Variants in DYM observed in about 807,000 individuals in gnomAD.
The protein encoded by DYM is dyggve-Melchior-Clausen syndrome protein.
Under a neutral mutation model 93.1 loss-of-function variants are expected in DYM, and 78 were observed. The ratio of observed to expected loss-of-function variants is 0.84; its 90% confidence interval spans 0.70 to 1.01. DYM has a LOEUF of 1.01. Ranked by LOEUF, DYM falls within the 50% of genes least tolerant of loss-of-function variation. DYM has a pLI of 0.00. For synonymous variants in DYM, 321 were observed against 319.7 expected (o/e 1.00, Z -0.04); for missense variants, 789 against 845.0 (o/e 0.93, Z 0.82).
chr18:49,375,976 GT>G (rs1462348730), intron 5 of DYM, among the ~76,000 whole-genome samples: 1 of 152,110 alleles, frequency 6.6e-6, no homozygotes, highest in Non-Finnish European at 1.5e-5. Context: ...TACACCAGTG[GT>G]TTGCCAGGGA....
chr18:49,367,165 T>C (rs2066601050), intron 5 of DYM, among the ~76,000 whole-genome samples: 1 of 152,150 alleles, frequency 6.6e-6, no homozygotes, highest in Non-Finnish European at 1.5e-5. Context: ...CATCAACACA[T>C]ACTAGAAGTT....
rs575362343 is a variant in DYM at position 49,203,606 on chromosome 18, T to A, written c.1625+5945A>T. ...GCTGTGTCCACTCAGGGTTAAATGGTTTAAGGGCGGTGCAAGATGTGCTTT... is the reference window on the plus strand; with the variant it reads ...GCTGTGTCCACTCAGGGTTAAATGGATTAAGGGCGGTGCAAGATGTGCTTT... On this transcript the variant is annotated intron_variant, in intron 14 of 17. Coordinates refer to ENST00000675505, the MANE Select transcript of DYM (RefSeq NM_001353214.3). Among the ~76,000 whole-genome samples, 365 of 140,182 alleles carry A rather than the reference T, an allele frequency of 2.6e-3. 1 individual carries two copies. The highest frequency in any genetic ancestry group is 4.4e-3 in the Non-Finnish European group (285 of 64,358). 92.0% of individuals were successfully genotyped at this position (140,182 alleles called of 152,430 possible).
At chr18:49,361,047 T>C (rs114407617) in intron 6 of DYM, among the ~76,000 whole-genome samples, 104 of 152,356 alleles carry the variant, frequency 6.8e-4, no homozygotes, top group African/African-American at 2.4e-3. Context: ...ACCCAAACTA[T>C]GTCACATGGT....
chr18:49,325,919 C>G (rs1274556227), intron 8 of DYM, among the ~76,000 whole-genome samples: 4 of 152,122 alleles, frequency 2.6e-5, no homozygotes, highest in Non-Finnish European at 5.9e-5. Context: ...TAAGCTGCCT[C>G]GAAACAACAC....
At chr18:49,101,231 A>G (rs1181195167) in intron 16 of DYM, among the ~76,000 whole-genome samples, 1 of 152,222 alleles carries the variant, frequency 6.6e-6, no homozygotes, top group Non-Finnish European at 1.5e-5. Flanking sequence ...TAAAACCTTT[A>G]GTGAAAGTGG....
At chr18:49,407,683 A>C (rs2071667923) in intron 2 of DYM, among the ~76,000 whole-genome samples, 1 of 152,142 alleles carries the variant, frequency 6.6e-6, no homozygotes. Context: ...AACACTTCTC[A>C]CCAGGCCCTA....
intron 17 of DYM, among the ~76,000 whole-genome samples, chr18:49,088,915 C>G (rs2078801404): frequency 6.6e-6 from 1 of 152,116 alleles, no homozygotes; most frequent in Admixed American, 6.5e-5. Context: ...CCTTAGCCCC[C>G]TGAATAGTTG....
intron 8 of DYM, among the ~76,000 whole-genome samples, chr18:49,288,709 G>A (rs1175643271): frequency 6.6e-6 from 1 of 151,964 alleles, no homozygotes; most frequent in African/African-American, 2.4e-5. Context: ...GAACCCGAGA[G>A]GCAGAGGTTG....
In DYM at chr18:49,037,190, G is replaced by GAGTCC. The variant is rs796417265; in HGVS notation, c.*6860_*6864dup. On this transcript the variant is annotated 3_prime_UTR_variant, in exon 18 of 18. Coordinates refer to ENST00000675505, the MANE Select transcript of DYM (RefSeq NM_001353214.3). ...ATGTGAGCCAACATGCCCAGCCAATGAGTCCTCTTAATCCTTTTAAATAAC... is the reference window on the plus strand; with the variant it reads ...ATGTGAGCCAACATGCCCAGCCAATGAGTCCAGTCCTCTTAATCCTTTTAAATAAC... 7.5e-4 allele frequency among the ~76,000 whole-genome samples: 114 copies of GAGTCC among 152,280 alleles called. 1 individual carries two copies. Among genetic ancestry groups the GAGTCC allele is most frequent in the African/African-American group, 2.6e-3 (109 of 41,556 alleles).
chr18:49,432,568 G>T, intron 1 of DYM, among the ~76,000 whole-genome samples: 1 of 145,748 alleles, frequency 6.9e-6, no homozygotes, highest in African/African-American at 2.5e-5. Flanking sequence ...AAAATATTAT[G>T]GATTTATTCA....
At chr18:49,141,074 C>T (rs2084430788) in intron 15 of DYM, among the ~76,000 whole-genome samples, 1 of 152,236 alleles carries the variant, frequency 6.6e-6, no homozygotes, top group Non-Finnish European at 1.5e-5. Flanking sequence ...CACCCAGCTT[C>T]TGAAGGTTGG....
chr18:49,322,682 T>C (rs1385649837), intron 8 of DYM, among the ~76,000 whole-genome samples: 1 of 152,052 alleles, frequency 6.6e-6, no homozygotes, highest in Non-Finnish European at 1.5e-5. Context: ...TTTCATAATT[T>C]ATTTACATTA....
chr18:49,322,428 A>G (rs1212492610), intron 8 of DYM, among the ~76,000 whole-genome samples: 2 of 152,096 alleles, frequency 1.3e-5, no homozygotes, highest in Non-Finnish European at 2.9e-5. Flanking sequence ...TCCTTGCTTC[A>G]CCCCTTTTTT....
intron 13 of DYM, among the ~76,000 whole-genome samples, chr18:49,250,083 T>C (rs998961896): frequency 6.6e-6 from 1 of 152,212 alleles, no homozygotes; most frequent in African/African-American, 2.4e-5. Flanking sequence ...CTGCAAAATA[T>C]AGCCAGATGC....
At chr18:49,323,197 C>T (rs1044170276) in intron 8 of DYM, among the ~76,000 whole-genome samples, 1 of 151,968 alleles carries the variant, frequency 6.6e-6, no homozygotes, top group African/African-American at 2.4e-5. Flanking sequence ...AAAACAAAAA[C>T]AAAACATAAC....
chr18:49,099,755 A>C (rs1328259892), intron 16 of DYM, among the ~76,000 whole-genome samples: 2 of 152,206 alleles, frequency 1.3e-5, no homozygotes, highest in Non-Finnish European at 2.9e-5. Flanking sequence ...TGCATCGTTT[A>C]TTACAGTGAA....
In DYM at chr18:49,417,377, T is replaced by TA. The variant is rs2073115958; in HGVS notation, c.140+12877dup. On this transcript the variant is annotated intron_variant, in intron 2 of 17. Coordinates refer to ENST00000675505, the MANE Select transcript of DYM (RefSeq NM_001353214.3). ...GTTGCCCAGGCTGGTCTCAAACTCT[T>TA]AGTCTCAAAAGATCCTCCTGCCTCA... is the stretch of plus-strand genomic sequence containing the variant. 2.0e-5 allele frequency among the ~76,000 whole-genome samples: 3 copies of TA among 152,116 alleles called. No individual in the cohort carries two copies. In the South Asian group the frequency reaches 6.2e-4, roughly 32 times the overall value.
intron 5 of DYM, among the ~76,000 whole-genome samples, chr18:49,375,193 GACACACAC>G (rs34631271): frequency 5.8e-5 from 8 of 138,002 alleles, no homozygotes; most frequent in South Asian, 2.3e-4. Context: ...AAGGGGAAAA[GACACACAC>G]ACACACACAC....
intron 14 of DYM, among the ~76,000 whole-genome samples, chr18:49,164,771 C>T (rs2087652058): frequency 6.6e-6 from 1 of 152,134 alleles, no homozygotes; most frequent in East Asian, 1.9e-4. Flanking sequence ...GGAGCTCCAA[C>T]CAGCCAGAAG....
Sources: allele counts gnomAD v4.1 joint callset (sites outside exome capture counted in the v4.1 genomes callset), GRCh38; gene constraint gnomAD v4.1.1; transcripts MANE v1.5; gene names NCBI Gene and HGNC (gene_info 2026-07-23, HGNC 2026-07-21).